Variants in PWWP2A observed in about 807,000 individuals in gnomAD.
PWWP2A encodes PWWP domain containing 2A, also known as PWWP domain-containing protein 2A.
PWWP2A carries 18 observed loss-of-function variants against 48.5 expected under a neutral mutation model. The ratio of observed to expected loss-of-function variants is 0.37; its 90% CI spans 0.26 to 0.55. PWWP2A has a LOEUF of 0.55. PWWP2A is among the 20% of genes least tolerant of loss of function. The pLI is 0.81. For synonymous variants in PWWP2A, 396 were observed against 387.7 expected, an observed-to-expected ratio of 1.02 and a Z score of -0.25; for missense variants, 867 against 976.4, an observed-to-expected ratio of 0.89 and a Z score of 1.49.
chr5:160,078,052 AT>A lies in PWWP2A; in HGVS notation c.*102del, dbSNP rs1753974121. 9.7e-7 allele frequency: 1 copy of A among 1,027,702 alleles called. No homozygotes were observed. Among genetic ancestry groups the A allele is most frequent in the African/African-American group, 1.6e-5 (1 of 62,488 alleles). 63.7% of individuals were successfully genotyped at this position (1,027,702 alleles called of 1,614,324 possible). Reference sequence around the variant, plus strand: ...TGTTGTTTTTAACCACTGCCTTAACATTTACTTCTTAGTGCAGCTTTAAAAA... The same window carrying A: ...TGTTGTTTTTAACCACTGCCTTAACATTACTTCTTAGTGCAGCTTTAAAAA... On this transcript the variant is annotated 3_prime_UTR_variant, in exon 4 of 4. Transcript: ENST00000456329. The surrounding 1 kb of genome is among the most constrained non-coding windows in gnomAD (Gnocchi z 4.2).
chr5:160,082,108 C>T (rs970929927), intron 2 of PWWP2A, among the ~76,000 whole-genome samples: 1 of 152,094 alleles, frequency 6.6e-6, no homozygotes, highest in Non-Finnish European at 1.5e-5. Context: ...TCAACTATAA[C>T]CCAACAGCAA....
At chr5:160,110,429 G>T (rs111514723) in intron 1 of PWWP2A, among the ~76,000 whole-genome samples, 3 of 152,126 alleles carry the variant, frequency 2.0e-5, no homozygotes, top group African/African-American at 7.2e-5. Context: ...TGCACTGGCC[G>T]GACGTGGTGG....
the PWWP2A span, among the ~76,000 whole-genome samples, chr5:160,045,676 C>T: frequency 2.0e-5 from 3 of 152,018 alleles, no homozygotes; most frequent in Non-Finnish European, 4.4e-5. Context: ...ATTCTCACCT[C>T]AGTCTCCTAA....
chr5:160,087,241 G>C (rs1195960543), downstream of PWWP2A, among the ~76,000 whole-genome samples: 1 of 152,058 alleles, frequency 6.6e-6, no homozygotes, highest in African/African-American at 2.4e-5. Flanking sequence ...AATTAGCCAG[G>C]CATGGTGACA....
chr5:160,048,302 C>T, the PWWP2A span, among the ~76,000 whole-genome samples: 3 of 151,982 alleles, frequency 2.0e-5, no homozygotes, highest in Non-Finnish European at 4.4e-5. Flanking sequence ...TAGACCCACA[C>T]TGCCACGCCC....
the PWWP2A span, among the ~76,000 whole-genome samples, chr5:160,045,238 G>T: frequency 1.1e-4 from 17 of 152,218 alleles, no homozygotes; most frequent in Middle Eastern, 0.01. Context: ...TCCAGCTGCA[G>T]CCCGAAGTGT....
chr5:160,079,545 G>GTATT (rs1432352002), intron 3 of PWWP2A, among the ~76,000 whole-genome samples: 1 of 152,082 alleles, frequency 6.6e-6, no homozygotes, highest in African/African-American at 2.4e-5. Context: ...AATAGATTAA[G>GTATT]GCTCACACAG....
chr5:160,069,675 G>A (rs533957910), intron 2 of PWWP2A, among the ~76,000 whole-genome samples: 1 of 152,154 alleles, frequency 6.6e-6, no homozygotes, highest in Non-Finnish European at 1.5e-5. Flanking sequence ...ACCAGCCTGG[G>A]CAACATAGCG....
intron 2 of PWWP2A, among the ~76,000 whole-genome samples, chr5:160,083,292 T>C (rs554624481): frequency 6.6e-6 from 1 of 152,220 alleles, no homozygotes; most frequent in East Asian, 1.9e-4. Context: ...AGATGACAGA[T>C]TTGTGATTAA....
chr5:160,092,324 A>G lies in PWWP2A; in HGVS notation c.*58T>C. On this transcript the variant is annotated 3_prime_UTR_variant, in exon 2 of 2. Transcript: ENST00000307063. ...CGCTATTTTGTAGAAATTATTCCTA[A>G]CTAGACTAGAAAATCTGTGGTGACT... is the stretch of plus-strand genomic sequence containing the variant. 8 of 1,469,922 alleles carry G rather than the reference A, an allele frequency of 5.4e-6. No individual in the cohort carries two copies. In the South Asian group the frequency reaches 1.0e-4, roughly 18 times the overall value. 91.1% of individuals were successfully genotyped at this position (1,469,922 alleles called of 1,614,324 possible). A position where few individuals can be genotyped will look rare whatever the true frequency, so the allele number is the denominator to read the frequency against.
At chr5:160,053,953 G>A in the PWWP2A span, among the ~76,000 whole-genome samples, 5 of 152,308 alleles carry the variant, frequency 3.3e-5, no homozygotes, top group South Asian at 8.3e-4. Flanking sequence ...TTTAGAACAA[G>A]AGACCCAGGG....
At position 160,078,237 on chromosome 5, in the gene PWWP2A, C is replaced by T; in HGVS notation, c.1670-69G>A. ...AGTAATTATATGAGGAAAATGATGT[C>T]CTTGTTGTTTAAGCCCTACATAGAT... is the stretch of plus-strand genomic sequence containing the variant. On this transcript the variant is annotated intron_variant, in intron 3 of 3. Transcript: ENST00000456329. This position sits in a 1 kb window ranked among gnomAD's most constrained non-coding sequence, Gnocchi z 4.2. 1 of 1,285,692 alleles carries T rather than the reference C, an allele frequency of 7.8e-7. No homozygotes were observed. Among genetic ancestry groups the T allele is most frequent in the Non-Finnish European group, 1.1e-6 (1 of 906,182 alleles). 79.6% of individuals were successfully genotyped at this position (1,285,692 alleles called of 1,614,324 possible).
At chr5:160,072,779 G>A (rs1753769653), downstream of PWWP2A, among the ~76,000 whole-genome samples, 1 of 151,848 alleles carries the variant, frequency 6.6e-6, no homozygotes, top group South Asian at 2.1e-4. Flanking sequence ...TGTGATGGCA[G>A]GTGCCTGCAT....
chr5:160,073,150 G>A (rs566238024), downstream of PWWP2A, among the ~76,000 whole-genome samples: 42 of 152,018 alleles, frequency 2.8e-4, 1 homozygote, highest in South Asian at 7.9e-3. Flanking sequence ...TGCTGTCAAA[G>A]GTCATTGATA....
At chr5:160,097,366 G>A (rs1755772176) in intron 1 of PWWP2A, among the ~76,000 whole-genome samples, 1 of 109,728 alleles carries the variant, frequency 9.1e-6, no homozygotes, top group South Asian at 3.0e-4. Context: ...AAAAAAAAAG[G>A]CCAGGCACAG....
At chr5:160,071,521 A>C (rs1201443887), downstream of PWWP2A, among the ~76,000 whole-genome samples, 3 of 152,222 alleles carry the variant, frequency 2.0e-5, no homozygotes, top group African/African-American at 7.2e-5. Flanking sequence ...GCTATGATTA[A>C]GACAGTTGTG....
chr5:160,095,804 C>T (rs1169282285), intron 1 of PWWP2A, among the ~76,000 whole-genome samples: 2 of 151,816 alleles, frequency 1.3e-5, no homozygotes, highest in Non-Finnish European at 2.9e-5. Context: ...AAGCAATCCT[C>T]CCGTCTCAGC....
Position 160,077,915 on chromosome 5 carries a change from T to C in PWWP2A, c.*240A>G. 2.1e-6 allele frequency: 1 copy of C among 469,500 alleles called. No individual in the cohort carries two copies. The highest frequency in any genetic ancestry group is 3.8e-6 in the Non-Finnish European group (1 of 261,638). The allele number at this position is 469,500 out of a possible 1,614,324, so 29.1% of individuals were successfully genotyped here. On this transcript the variant is annotated 3_prime_UTR_variant, in exon 4 of 4. Transcript: ENST00000456329. The surrounding 1 kb of genome is among the most constrained non-coding windows in gnomAD (Gnocchi z 4.2). ...TTCTTACGTGTGTAATTCACATCAT[T>C]TTTCTCCTCATCTCATGCATAATTT...
chr5:160,084,978 A>G (rs562248302), intron 2 of PWWP2A, among the ~76,000 whole-genome samples: 11 of 152,254 alleles, frequency 7.2e-5, no homozygotes, highest in African/African-American at 1.7e-4. Context: ...ATAGTAAAAA[A>G]AAAAAGAAAA....
Sources: gnomAD v4.1 joint callset for allele counts (sites outside exome capture counted in the v4.1 genomes callset) on GRCh38, gnomAD v4.1.1 for gene constraint, Gnocchi (gnomAD v3.1) non-coding constraint, MANE v1.5 for transcripts, NCBI Gene and HGNC (gene_info 2026-07-23, HGNC 2026-07-21) for gene names.